Variants in MYO18B observed in about 807,000 individuals in gnomAD.
The protein encoded by MYO18B is unconventional myosin-XVIIIb.
In MYO18B, 204 loss-of-function variants were observed where a neutral mutation model predicts 273.0. That is an observed-to-expected ratio of 0.75 (90% CI 0.67 to 0.84). The LOEUF (loss-of-function observed/expected upper bound fraction) is 0.84. MYO18B is among the 40% of genes least tolerant of loss of function. MYO18B has a pLI of 0.00. For synonymous variants in MYO18B, 1,330 were observed against 1,305.7 expected (o/e 1.02, Z -0.40); for missense variants, 3,212 against 3,287.6 (o/e 0.98, Z 0.56).
At chr22:25,775,442 G>A (rs888965264) in intron 7 of MYO18B, among the ~76,000 whole-genome samples, 3 of 152,146 alleles carry the variant, frequency 2.0e-5, no homozygotes, top group Admixed American at 6.5e-5. Context: ...GGGCCTTGCC[G>A]GACCCAGTGG....
the MYO18B span, among the ~76,000 whole-genome samples, chr22:26,058,477 G>T: frequency 6.6e-6 from 1 of 152,100 alleles, no homozygotes; most frequent in Non-Finnish European, 1.5e-5. Context: ...GAGAGAATGC[G>T]GTATCCACTG....
chr22:26,033,448 T>C (rs1850230123), downstream of MYO18B, among the ~76,000 whole-genome samples: 2 of 152,218 alleles, frequency 1.3e-5, no homozygotes, highest in Admixed American at 6.5e-5. Context: ...TTATAATACG[T>C]TTATTTTATG....
intron 33 of MYO18B, among the ~76,000 whole-genome samples, chr22:25,916,900 C>T (rs911132308): frequency 1.4e-4 from 22 of 152,064 alleles, no homozygotes; most frequent in Non-Finnish European, 1.8e-4. Context: ...GGTGTTGTGG[C>T]GGGCACCTGT....
At chr22:25,764,957 G>C (rs1451776047) in intron 3 of MYO18B, among the ~76,000 whole-genome samples, 1 of 152,184 alleles carries the variant, frequency 6.6e-6, no homozygotes, top group Non-Finnish European at 1.5e-5. Flanking sequence ...GAGCCTGTGT[G>C]TTCTCTGCTC....
intron 29 of MYO18B, chr22:25,900,227 G>A (rs1454872810): frequency 2.0e-5 from 3 of 152,196 alleles, no homozygotes; most frequent in African/African-American, 7.2e-5. Flanking sequence ...CTAGGCAGAA[G>A]CTAATTTATG....
intron 1 of MYO18B, among the ~76,000 whole-genome samples, chr22:25,754,235 A>C (rs1226197701): frequency 2.0e-5 from 3 of 152,210 alleles, no homozygotes. Flanking sequence ...GATGTGAGCC[A>C]TGCAGCAGGA....
intron 25 of MYO18B, among the ~76,000 whole-genome samples, chr22:25,878,369 T>C (rs1380575897): frequency 6.6e-6 from 1 of 152,198 alleles, no homozygotes; most frequent in Non-Finnish European, 1.5e-5. Context: ...TAAATTTGAC[T>C]ATATTAAAAT....
intron 15 of MYO18B, among the ~76,000 whole-genome samples, chr22:25,830,158 A>G (rs1254595171): frequency 6.6e-6 from 1 of 152,178 alleles, no homozygotes; most frequent in Non-Finnish European, 1.5e-5. Context: ...TAAAGCACCA[A>G]CATAAATGAA....
intron 42 of MYO18B, among the ~76,000 whole-genome samples, chr22:26,013,502 A>G (rs1270270233): frequency 1.3e-5 from 2 of 152,196 alleles, no homozygotes; most frequent in Non-Finnish European, 2.9e-5. Context: ...ACTGTGAACA[A>G]TCTTGTACAC....
intron 11 of MYO18B, among the ~76,000 whole-genome samples, chr22:25,793,425 C>A (rs894036780): frequency 3.3e-5 from 5 of 152,034 alleles, no homozygotes; most frequent in African/African-American, 1.2e-4. Context: ...TTTATAGATA[C>A]GAGAGGTCTT....
intron 11 of MYO18B, among the ~76,000 whole-genome samples, chr22:25,791,760 A>G (rs2087671303): frequency 6.6e-6 from 1 of 152,158 alleles, no homozygotes. Flanking sequence ...ATGGTGCCCA[A>G]ATGGAAGGAT....
Position 25,813,817 on chromosome 22 carries a change from A to G in MYO18B, c.2522-9688A>G, listed in dbSNP as rs574539464. Among the ~76,000 whole-genome samples, 6 of 152,266 alleles carry G rather than the reference A, an allele frequency of 3.9e-5. No individual in the cohort carries two copies. In the South Asian group the frequency reaches 1.0e-3, roughly 26 times the overall value. On this transcript the variant is annotated intron_variant, in intron 12 of 43. Transcript: ENST00000335473. ...ATTTCATTGATCCATCCTTGGACCC[A>G]GTACCCTCGAGGCCTGTCACCTCCT...
chr22:26,015,546 A>G (rs1935256249), intron 42 of MYO18B, among the ~76,000 whole-genome samples: 1 of 152,228 alleles, frequency 6.6e-6, no homozygotes, highest in Non-Finnish European at 1.5e-5. Context: ...AAACTAATAC[A>G]GGAACAGAAA....
chr22:25,796,165 G>C (rs2087900495), intron 11 of MYO18B, among the ~76,000 whole-genome samples: 2 of 152,156 alleles, frequency 1.3e-5, no homozygotes, highest in African/African-American at 4.8e-5. Context: ...TGGCCAGATG[G>C]TGTGTGCATA....
At chr22:25,857,453 G>A (rs2090605697) in intron 21 of MYO18B, among the ~76,000 whole-genome samples, 1 of 150,076 alleles carries the variant, frequency 6.7e-6, no homozygotes, top group African/African-American at 2.4e-5. Flanking sequence ...CACCCTGGCA[G>A]ACACTCCCAG....
At chr22:25,760,535 G>A (rs368873850) in intron 1 of MYO18B, among the ~76,000 whole-genome samples, 24 of 151,982 alleles carry the variant, frequency 1.6e-4, no homozygotes, top group East Asian at 1.5e-3. Context: ...CAAGCTACAA[G>A]GCTTTTCCTA....
chr22:25,935,347 T>G (rs976912676), intron 34 of MYO18B, among the ~76,000 whole-genome samples: 2 of 152,134 alleles, frequency 1.3e-5, no homozygotes, highest in African/African-American at 4.8e-5. Context: ...AAGAGTAAGT[T>G]GTAAAAGTGG....
At chr22:25,892,914 C>A (rs1203449293) in intron 27 of MYO18B, among the ~76,000 whole-genome samples, 1 of 152,172 alleles carries the variant, frequency 6.6e-6, no homozygotes, top group Non-Finnish European at 1.5e-5. Flanking sequence ...AAATTCATGT[C>A]TAAATAATGC....
At chr22:25,811,028 T>C (rs1413169388) in intron 12 of MYO18B, among the ~76,000 whole-genome samples, 1 of 152,050 alleles carries the variant, frequency 6.6e-6, no homozygotes, top group Non-Finnish European at 1.5e-5. Flanking sequence ...TTTTTTTCTT[T>C]TGTGAGACTG....
Sources: gnomAD v4.1 joint callset for allele counts (sites outside exome capture counted in the v4.1 genomes callset) on GRCh38, gnomAD v4.1.1 for gene constraint, MANE v1.5 for transcripts, NCBI Gene and HGNC (gene_info 2026-07-23, HGNC 2026-07-21) for gene names.